Variants in TENM3 observed in about 807,000 individuals in gnomAD.
TENM3 encodes the protein teneurin-3.
In TENM3, 63 loss-of-function variants were observed where a neutral mutation model predicts 255.1. The ratio of observed to expected loss-of-function variants is 0.25; its 90% CI spans 0.20 to 0.30. The LOEUF (loss-of-function observed/expected upper bound fraction) is 0.30. Among genes scored for constraint, TENM3 ranks in the 10% least tolerant of loss-of-function variants. The probability of loss-of-function intolerance (pLI) is 1.00; values close to 1 mark genes in which losing one functional copy is unlikely to be tolerated. For missense variants in TENM3, 2,929 were observed against 3,461.1 expected (o/e 0.85, Z 3.86); for synonymous variants, 1,306 against 1,322.3 (o/e 0.99, Z 0.27).
chr4:181,641,841 T>C, the TENM3 span, among the ~76,000 whole-genome samples: 3 of 119,148 alleles, frequency 2.5e-5, no homozygotes, highest in Non-Finnish European at 3.4e-5. Flanking sequence ...TATATATATA[T>C]ATGCCACATT....
intron 6 of TENM3, among the ~76,000 whole-genome samples, chr4:182,660,608 G>T (rs2309697): frequency 6.6e-6 from 1 of 152,276 alleles, no homozygotes; most frequent in Non-Finnish European, 1.5e-5. Flanking sequence ...AGACACTTCT[G>T]CAAATCAGCA....
chr4:182,003,955 A>G, the TENM3 span, among the ~76,000 whole-genome samples: 1 of 152,156 alleles, frequency 6.6e-6, no homozygotes, highest in Non-Finnish European at 1.5e-5. Flanking sequence ...TCAAGACTTA[A>G]CTTGTTTTCT....
chr4:182,621,649 T>TTA (rs1561015912), intron 4 of TENM3, among the ~76,000 whole-genome samples: 1 of 30,826 alleles, frequency 3.2e-5, no homozygotes, highest in Non-Finnish European at 8.1e-5. Context: ...ATAATACATA[T>TTA]TATAATATAT....
chr4:182,526,336 A>G (rs1739177902), intron 3 of TENM3, among the ~76,000 whole-genome samples: 1 of 151,922 alleles, frequency 6.6e-6, no homozygotes, highest in South Asian at 2.1e-4. Flanking sequence ...TCCCATTTCA[A>G]GTGCACCGCC....
chr4:181,480,426 T>C, the TENM3 span, among the ~76,000 whole-genome samples: 1 of 152,160 alleles, frequency 6.6e-6, no homozygotes, highest in Non-Finnish European at 1.5e-5. Context: ...TAACTTTTAC[T>C]GACACTTGTT....
chr4:181,654,264 G>T, the TENM3 span, among the ~76,000 whole-genome samples: 2 of 151,108 alleles, frequency 1.3e-5, no homozygotes, highest in Non-Finnish European at 1.5e-5. Context: ...CCAAACTCGT[G>T]GGCCCCACCA....
intron 3 of TENM3, among the ~76,000 whole-genome samples, chr4:182,514,504 G>A (rs1403364049): frequency 2.0e-5 from 3 of 152,098 alleles, no homozygotes; most frequent in Non-Finnish European, 4.4e-5. Flanking sequence ...CCTGAACAGT[G>A]GTTTTGAAAC....
At chr4:181,627,476 ACCTACCC>A in the TENM3 span, among the ~76,000 whole-genome samples, 1 of 152,008 alleles carries the variant, frequency 6.6e-6, no homozygotes, top group Non-Finnish European at 1.5e-5. Flanking sequence ...CTAATGTTTT[ACCTACCC>A]CCTACCCCCA....
At chr4:182,241,518 C>CT (rs982739950), upstream of TENM3, among the ~76,000 whole-genome samples, 2,058 of 114,216 alleles carry the variant, frequency 0.018, 42 homozygotes, top group African/African-American at 0.021. Flanking sequence ...TTTTTTCTTT[C>CT]TTTTTTTTTT....
At chr4:182,045,345 T>A in the TENM3 span, among the ~76,000 whole-genome samples, 5 of 150,380 alleles carry the variant, frequency 3.3e-5, no homozygotes, top group East Asian at 7.9e-4. Flanking sequence ...TCTGACTTAG[T>A]AGAAGCGAAT....
At chr4:181,924,863 T>C in the TENM3 span, among the ~76,000 whole-genome samples, 1 of 152,186 alleles carries the variant, frequency 6.6e-6, no homozygotes, top group Non-Finnish European at 1.5e-5. Context: ...CTTGAACATG[T>C]CAAGGAGTTA....
At chr4:181,937,412 C>T in the TENM3 span, among the ~76,000 whole-genome samples, 1 of 152,138 alleles carries the variant, frequency 6.6e-6, no homozygotes, top group Admixed American at 6.6e-5. Flanking sequence ...TGATTCCTAG[C>T]GAGGGAAGAA....
chr4:181,736,276 C>T, the TENM3 span, among the ~76,000 whole-genome samples: 8 of 151,808 alleles, frequency 5.3e-5, no homozygotes, highest in South Asian at 2.1e-4. Flanking sequence ...CCAGCCTGGG[C>T]GACAATAGCA....
chr4:182,564,381 T>G (rs974337960), intron 3 of TENM3, among the ~76,000 whole-genome samples: 2 of 151,620 alleles, frequency 1.3e-5, no homozygotes, highest in Non-Finnish European at 2.9e-5. Flanking sequence ...CTTGAACTCC[T>G]GGGCTCAAAC....
the TENM3 span, among the ~76,000 whole-genome samples, chr4:181,853,224 A>G: frequency 6.6e-6 from 1 of 152,226 alleles, no homozygotes; most frequent in Non-Finnish European, 1.5e-5. Flanking sequence ...TAGATGCATG[A>G]TCTCCTCAAG....
At chr4:182,373,003 G>A (rs1167499895) in intron 3 of TENM3, among the ~76,000 whole-genome samples, 2 of 152,102 alleles carry the variant, frequency 1.3e-5, no homozygotes, top group Non-Finnish European at 2.9e-5. Context: ...GCCTCCCAAA[G>A]TGCTGAGATT....
At chr4:182,132,922 A>G in the TENM3 span, among the ~76,000 whole-genome samples, 4 of 152,186 alleles carry the variant, frequency 2.6e-5, no homozygotes, top group African/African-American at 9.7e-5. Flanking sequence ...AATGAGGAAA[A>G]TAATAGTAAC....
intron 3 of TENM3, among the ~76,000 whole-genome samples, chr4:182,502,970 T>G (rs1308058908): frequency 6.6e-6 from 1 of 151,240 alleles, no homozygotes; most frequent in Non-Finnish European, 1.5e-5. Flanking sequence ...TGAATGTCCT[T>G]TATCTGAAAC....
chr4:182,100,874 T>TATATAC, the TENM3 span, among the ~76,000 whole-genome samples: 46 of 39,572 alleles, frequency 1.2e-3, 16 homozygotes, highest in African/African-American at 5.1e-3. Context: ...TATATATATA[T>TATATAC]AGAGAGAGAG....
Sources: allele counts gnomAD v4.1 joint callset (sites outside exome capture counted in the v4.1 genomes callset), GRCh38; gene constraint gnomAD v4.1.1; transcripts MANE v1.5; gene names NCBI Gene and HGNC (gene_info 2026-07-23, HGNC 2026-07-21).